Variants in PLCB4 observed in about 807,000 individuals in gnomAD.
PLCB4 encodes phospholipase C beta 4, also known as 1-phosphatidylinositol 4,5-bisphosphate phosphodiesterase beta-4.
PLCB4 carries 77 observed loss-of-function variants against 178.8 expected under a neutral mutation model. The ratio of observed to expected loss-of-function variants is 0.43; its 90% confidence interval spans 0.36 to 0.52. The LOEUF (loss-of-function observed/expected upper bound fraction) is 0.52, where lower values mean the gene tolerates loss of function less well. Among genes scored for constraint, PLCB4 ranks in the 20% least tolerant of loss-of-function variants. The pLI is 0.00. For synonymous variants in PLCB4, 496 were observed against 490.8 expected (o/e 1.01, Z -0.14); for missense variants, 1,024 against 1,453.4 (o/e 0.70, Z 4.80).
chr20:9,453,615 T>C (rs1396749339), intron 33 of PLCB4, among the ~76,000 whole-genome samples, 153 bp downstream of exon 33: 1 of 152,212 alleles, frequency 6.6e-6, no homozygotes, highest in Non-Finnish European at 1.5e-5. Context: ...ACTCATTCAT[T>C]TTAAATGCTC....
intron 35 of PLCB4, among the ~76,000 whole-genome samples, chr20:9,462,058 C>G (rs1200290283): frequency 6.6e-6 from 1 of 152,100 alleles, no homozygotes; most frequent in Non-Finnish European, 1.5e-5. Context: ...AAAGCTGCCA[C>G]AGGAAGGATC....
chr20:9,457,896 G>C (rs1047848165), intron 34 of PLCB4, among the ~76,000 whole-genome samples: 18 of 152,044 alleles, frequency 1.2e-4, no homozygotes, highest in African/African-American at 3.9e-4. Context: ...ACTTTACATG[G>C]AAATTTGGAA....
At chr20:9,097,378 C>T (rs760481522) in intron 2 of PLCB4, among the ~76,000 whole-genome samples, 3 of 151,758 alleles carry the variant, frequency 2.0e-5, no homozygotes, top group South Asian at 4.2e-4. Context: ...ACTGGGAAAC[C>T]GCTAGGCATG....
chr20:9,284,433 G>C (rs1415321962), intron 3 of PLCB4, among the ~76,000 whole-genome samples: 1 of 151,968 alleles, frequency 6.6e-6, no homozygotes, highest in African/African-American at 2.4e-5. Flanking sequence ...TATAAGGCTA[G>C]ATTATGTAAG....
chr20:9,264,199 G>C (rs2094326298), intron 3 of PLCB4, among the ~76,000 whole-genome samples: 1 of 152,120 alleles, frequency 6.6e-6, no homozygotes. Context: ...GGACTTTGAA[G>C]TCTAAAAAGA....
intron 4 of PLCB4, among the ~76,000 whole-genome samples, chr20:9,320,385 A>G (rs1568581214): frequency 2.6e-5 from 4 of 152,184 alleles, no homozygotes; most frequent in African/African-American, 9.7e-5. Context: ...ACCAGAGGTC[A>G]CTTTCTTCTA....
At chr20:9,148,076 G>C (rs1272130358) in intron 2 of PLCB4, among the ~76,000 whole-genome samples, 1 of 152,120 alleles carries the variant, frequency 6.6e-6, no homozygotes, top group South Asian at 2.1e-4. Flanking sequence ...GGTCTTTATT[G>C]TTTTTCTATG....
chr20:9,404,302 T>A (rs2039269961), intron 20 of PLCB4, among the ~76,000 whole-genome samples: 1 of 152,056 alleles, frequency 6.6e-6, no homozygotes. Context: ...GGCAGATACA[T>A]TTGGTGATAG....
In PLCB4 at chr20:9,459,804, A is replaced by G. The variant is rs2043282382; in HGVS notation, c.3242A>G (p.His1081Arg). ...CAAACCCAGCAGCTGAAACTGTCCC[A>G]TGACAGGTGGGGGAATTGCCGTCTC... Reference protein sequence around the residue: ...EQQTQQLKLSHDRESKEMRAH... With the variant: ...EQQTQQLKLSRDRESKEMRAH... The change falls in exon 35 of 40, where the codon CAT becomes CGT. Residue 1081 changes from histidine (H) to arginine (R), a missense_variant. Physicochemically the swap from His to Arg is conservative, Grantham distance 29. Coordinates refer to ENST00000378473, the MANE Select transcript of PLCB4 (RefSeq NM_001377142.1). 6.3e-7 allele frequency: 1 copy of G among 1,598,718 alleles called. No individual in the cohort carries two copies.
rs1277951694 is a variant in PLCB4, at chr20:9,407,953, G to A, written c.1684G>A (p.Ala562Thr). ...VTVEDEQAWM[A>T]SYKYVGATTN... The stretch of plus-strand genomic sequence containing the variant: ...TGTAGAAGATGAGCAGGCGTGGATG[G>A]CATCTTATAAATATGTAGGTGCTAC... The change falls in exon 22 of 40, where the codon GCA becomes ACA. Residue 562 changes from alanine to threonine, a missense_variant. Physicochemically the swap from Ala to Thr is moderately conservative, Grantham distance 58. Coordinates refer to ENST00000378473, the MANE Select transcript of PLCB4 (RefSeq NM_001377142.1). 3 of 1,613,300 alleles carry A rather than the reference G, an allele frequency of 1.9e-6. No homozygotes were observed. The highest frequency in any genetic ancestry group is 2.2e-5 in the South Asian group (2 of 91,040).
At chr20:9,269,887 G>A (rs1254554883) in intron 3 of PLCB4, among the ~76,000 whole-genome samples, 1 of 152,118 alleles carries the variant, frequency 6.6e-6, no homozygotes, top group East Asian at 1.9e-4. Flanking sequence ...ATTGCCAGGG[G>A]CAGTAGCAGC....
intron 24 of PLCB4, 70 bp downstream of exon 24, chr20:9,409,251 A>G: frequency 2.2e-6 from 3 of 1,340,312 alleles, no homozygotes; most frequent in East Asian, 2.5e-5. Context: ...AGCACTTCCC[A>G]TCAGTTGGCT....
chr20:9,379,977 A>C (rs140513201), intron 12 of PLCB4, 77 bp from the exon 13 acceptor site: 2 of 693,756 alleles, frequency 2.9e-6, no homozygotes, highest in East Asian at 5.7e-5. Context: ...TTTGTTTTAT[A>C]AATTATAAAC....
intron 3 of PLCB4, among the ~76,000 whole-genome samples, chr20:9,304,583 C>T (rs1447007769): frequency 6.6e-6 from 1 of 152,100 alleles, no homozygotes; most frequent in Non-Finnish European, 1.5e-5. Context: ...TTCAGATCTT[C>T]GAGATTCTTA....
At chr20:9,330,389 A>G (rs865895408) in intron 4 of PLCB4, among the ~76,000 whole-genome samples, 1 of 152,312 alleles carries the variant, frequency 6.6e-6, no homozygotes, top group Non-Finnish European at 1.5e-5. Flanking sequence ...CAAACCAGGA[A>G]GCAAGGAGGG....
At chr20:9,106,818 G>A (rs533145501) in intron 2 of PLCB4, among the ~76,000 whole-genome samples, 3 of 152,194 alleles carry the variant, frequency 2.0e-5, no homozygotes, top group South Asian at 4.1e-4. Flanking sequence ...CTAGGAATTT[G>A]TTGTAAGGCA....
At chr20:9,337,019 A>T in intron 4 of PLCB4, 107 bp from the exon 5 acceptor site, 1 of 745,786 alleles carries the variant, frequency 1.3e-6, no homozygotes, top group Non-Finnish European at 2.4e-6. Context: ...TGGATATTAC[A>T]TACAAAAGAG....
intron 2 of PLCB4, among the ~76,000 whole-genome samples, chr20:9,212,154 T>C (rs2093679805): frequency 6.6e-6 from 1 of 152,240 alleles, no homozygotes; most frequent in Non-Finnish European, 1.5e-5. Context: ...CTTTGGGGCC[T>C]GCCTTCTTGC....
At chr20:9,094,572 A>G (rs530311522) in intron 1 of PLCB4, among the ~76,000 whole-genome samples, 1 of 152,320 alleles carries the variant, frequency 6.6e-6, no homozygotes, top group East Asian at 1.9e-4. Context: ...AGTACAGTGA[A>G]TATCACAGTG....
Sources: allele counts gnomAD v4.1 joint callset (sites outside exome capture counted in the v4.1 genomes callset), GRCh38; gene constraint gnomAD v4.1.1; transcripts MANE v1.5; gene names NCBI Gene and HGNC (gene_info 2026-07-23, HGNC 2026-07-21).